The following CD180 variants were observed in gnomAD, a reference collection of about 807,000 sequenced individuals.
CD180 encodes CD180 antigen.
CD180 carries 11 observed loss-of-function variants against 10.7 expected under a neutral mutation model. The observed-to-expected ratio is 1.03, with a 90% CI of 0.65 to 1.70. The LOEUF is 1.70. Ranked by LOEUF, CD180 falls within the 40% of genes most tolerant of loss-of-function variation. CD180 has a pLI of 0.00. For synonymous variants in CD180, 286 were observed against 294.6 expected (o/e 0.97, Z 0.30); for missense variants, 729 against 775.2 (o/e 0.94, Z 0.71).
intron 1 of CD180, among the ~76,000 whole-genome samples, chr5:67,192,952 A>C (rs1319019083): frequency 1.3e-5 from 2 of 152,190 alleles, no homozygotes; most frequent in African/African-American, 2.4e-5. Flanking sequence ...TTTATCAACC[A>C]GTCAGGGTCC....
chr5:67,193,908 T>C (rs1270054556), intron 1 of CD180, among the ~76,000 whole-genome samples: 2 of 152,206 alleles, frequency 1.3e-5, no homozygotes, highest in Non-Finnish European at 2.9e-5. Flanking sequence ...AATGGTGATG[T>C]TATCCTATTG....
chr5:67,190,929 T>A (rs1041534451), intron 1 of CD180: 8 of 985,396 alleles, frequency 8.1e-6, no homozygotes, highest in Non-Finnish European at 9.6e-6. Flanking sequence ...AAGTGCTTAT[T>A]CTCACCTTTT....
At chr5:67,189,950 CATACTGTCT>C (rs1455504255) in intron 1 of CD180, among the ~76,000 whole-genome samples, 2 of 152,164 alleles carry the variant, frequency 1.3e-5, no homozygotes, top group Non-Finnish European at 2.9e-5. Context: ...AATTATCCAA[CATACTGTCT>C]ATATCCAAAT....
At chr5:67,184,666 T>G in intron 2 of CD180, 81 bp from the exon 3 acceptor site, 2 of 1,149,416 alleles carry the variant, frequency 1.7e-6, no homozygotes, top group Non-Finnish European at 2.4e-6. Flanking sequence ...ATTAACAAAG[T>G]CATCTTTTGT....
rs768355326 is a variant in CD180 at position 67,185,989 on chromosome 5, TCA to T, written c.117_118del (p.Cys39Ter). On this transcript the variant is annotated stop_gained and frameshift_variant, in exon 2 of 3. Transcript: ENST00000256447. LOFTEE classifies it high-confidence loss of function. ...AGGGATTTCACTGAGACCTAAATTTTCACAGTTATATGTTTTGTTGGCTTCTT... is the reference window on the plus strand; with the variant it reads ...AGGGATTTCACTGAGACCTAAATTTTCAGTTATATGTTTTGTTGGCTTCTT... The T allele has an allele frequency of 1.9e-6, 3 of 1,602,312 alleles. No homozygotes were observed. Among genetic ancestry groups the T allele is most frequent in the Non-Finnish European group, 1.7e-6 (2 of 1,174,844 alleles).
rs1742042089 is a variant in CD180, at chr5:67,181,190, A to G, written c.*1667T>C. ...GAGAAACTAATTAAAACAAATGAAG[A>G]AGTTAATTCCAAACACTGATAAGCA... On this transcript the variant is annotated 3_prime_UTR_variant, in exon 3 of 3. Coordinates refer to ENST00000256447, the MANE Select transcript of CD180 (RefSeq NM_005582.3). 1 of 152,124 alleles carries G rather than the reference A, an allele frequency of 6.6e-6. No individual in the cohort carries two copies. The highest frequency in any genetic ancestry group is 2.4e-5 in the African/African-American group (1 of 41,406). 9.4% of individuals were successfully genotyped at this position (152,124 alleles called of 1,614,324 possible).
intron 1 of CD180, among the ~76,000 whole-genome samples, chr5:67,188,068 G>T (rs1488838318): frequency 6.6e-6 from 1 of 152,066 alleles, no homozygotes; most frequent in African/African-American, 2.4e-5. Flanking sequence ...TATTCAGGAG[G>T]CTGAGGCAGG....
At chr5:67,188,191 G>C (rs1312955827) in intron 1 of CD180, among the ~76,000 whole-genome samples, 1 of 150,932 alleles carries the variant, frequency 6.6e-6, no homozygotes, top group Non-Finnish European at 1.5e-5. Flanking sequence ...AAAAGATTGG[G>C]GGTAAGTTAG....
At chr5:67,193,920 AGGCTGTCTCCT>A (rs1742353231) in intron 1 of CD180, among the ~76,000 whole-genome samples, 5 of 152,182 alleles carry the variant, frequency 3.3e-5, no homozygotes, top group Admixed American at 3.3e-4. Flanking sequence ...ATCCTATTGG[AGGCTGTCTCCT>A]GGAGGTGATA....
At chr5:67,194,530 C>G (rs1163596570) in intron 1 of CD180, among the ~76,000 whole-genome samples, 1 of 152,180 alleles carries the variant, frequency 6.6e-6, no homozygotes, top group Non-Finnish European at 1.5e-5. Flanking sequence ...TTGCCATTCC[C>G]GTGTACCCTG....
At chr5:67,190,094 GT>G (rs1364298461) in intron 1 of CD180, among the ~76,000 whole-genome samples, 1 of 152,054 alleles carries the variant, frequency 6.6e-6, no homozygotes, top group African/African-American at 2.4e-5. Flanking sequence ...CTCAGCCTTT[GT>G]CTTTCACAAC....
rs911724723 is a variant in CD180 at position 67,182,779 on chromosome 5, C to A, written c.*78G>T. 8.1e-7 allele frequency: 1 copy of A among 1,238,256 alleles called. No homozygotes were observed. The highest frequency in any genetic ancestry group is 1.1e-6 in the Non-Finnish European group (1 of 891,912). 76.7% of individuals were successfully genotyped at this position (1,238,256 alleles called of 1,614,324 possible). A position where few individuals can be genotyped will look rare whatever the true frequency, so the allele number is the denominator to read the frequency against. ...AGCAATCTGAAAAGTCTGGTCTGGT[C>A]ACCAGCAGATGACAGTTCTTTCACT... On this transcript the variant is annotated 3_prime_UTR_variant, in exon 3 of 3. Transcript: ENST00000256447.
At position 67,183,760 on chromosome 5, in the gene CD180, A is replaced by G. The variant is rs745829560; in HGVS notation, c.1083T>C (p.Leu361=). 1 of 1,614,192 alleles carries G rather than the reference A, an allele frequency of 6.2e-7. No homozygotes were observed. Among genetic ancestry groups the G allele is most frequent in the Admixed American group, 1.7e-5 (1 of 60,022 alleles). ...CTAGTTTCTCCAAGCAGCCAACACC[A>G]AGGTGAAGTTTCTTCACGTTGCCTC... is the stretch of plus-strand genomic sequence containing the variant. The part of the protein sequence containing the change: ...YIRGNVKKLH[L]GVGCLEKLGN... The change falls in exon 3 of 3, where the codon CTT becomes CTC. Residue 361 remains leucine, a synonymous_variant. Coordinates refer to ENST00000256447, the MANE Select transcript of CD180 (RefSeq NM_005582.3).
rs16875312 is a variant in CD180, at chr5:67,185,949, G to A, written c.159C>T (p.Asn53=). 1.2e-6 allele frequency: 2 copies of A among 1,611,270 alleles called. No individual in the cohort carries two copies. Among genetic ancestry groups the A allele is most frequent in the Non-Finnish European group, 1.7e-6 (2 of 1,178,632 alleles). The change falls in exon 2 of 3, where the codon AAC becomes AAT. Residue 53 remains asparagine, a synonymous_variant. Coordinates refer to ENST00000256447, the MANE Select transcript of CD180 (RefSeq NM_005582.3). ...AGCTGAATTCCAAAAATTCTGTTGTGTTTGGTAGAGTGTCAGGGATTTCAC... is the reference window on the plus strand; with the variant it reads ...AGCTGAATTCCAAAAATTCTGTTGTATTTGGTAGAGTGTCAGGGATTTCAC... ...GLSEIPDTLP[N]TTEFLEFSFN...
chr5:67,193,802 G>C (rs575875233), intron 1 of CD180, among the ~76,000 whole-genome samples: 1 of 152,326 alleles, frequency 6.6e-6, no homozygotes, highest in East Asian at 1.9e-4. Flanking sequence ...AAAGGACTAG[G>C]GGGCCTCCCG....
intron 1 of CD180, among the ~76,000 whole-genome samples, chr5:67,189,986 T>C (rs1252225790): frequency 6.6e-6 from 1 of 152,214 alleles, no homozygotes; most frequent in African/African-American, 2.4e-5. Context: ...AATTGTCCCA[T>C]TATTGTTCTT....
intron 2 of CD180, 78 bp downstream of exon 2, chr5:67,185,773 T>C (rs1742180502): frequency 8.9e-7 from 1 of 1,118,896 alleles, no homozygotes; most frequent in East Asian, 2.7e-5. Context: ...CCCAAAAAGG[T>C]CCTGCAAATA....
At position 67,181,087 on chromosome 5, in the gene CD180, C is replaced by CTATG. The variant is rs1359493104; in HGVS notation, c.*1766_*1769dup. Reference sequence around the variant, plus strand: ...TGGAGAGAGAGAGAGAGAGTCCTTACTATGTCCCAGGCATGTTCTAGGGTA... The same window carrying CTATG: ...TGGAGAGAGAGAGAGAGAGTCCTTACTATGTATGTCCCAGGCATGTTCTAGGGTA... On this transcript the variant is annotated 3_prime_UTR_variant, in exon 3 of 3. Transcript: ENST00000256447. 1 of 151,782 alleles carries CTATG rather than the reference C, an allele frequency of 6.6e-6. No homozygotes were observed. The highest frequency in any genetic ancestry group is 2.4e-5 in the African/African-American group (1 of 41,292). 9.4% of individuals were successfully genotyped at this position (151,782 alleles called of 1,614,324 possible). A position where few individuals can be genotyped will look rare whatever the true frequency, so the allele number is the denominator to read the frequency against.
Position 67,183,800 on chromosome 5 carries a change from G to GT in CD180, c.1042dup (p.Thr348AsnfsTer29). On this transcript the variant is annotated frameshift_variant, in exon 3 of 3. Coordinates refer to ENST00000256447, the MANE Select transcript of CD180 (RefSeq NM_005582.3). LOFTEE classifies it low-confidence loss of function (END_TRUNC). ...CACGTTGCCTCTGATGTAGAGGTGTGTAAGGGAGGGGAAATTGGCAGCACT... is the reference window on the plus strand; with the variant it reads ...CACGTTGCCTCTGATGTAGAGGTGTGTTAAGGGAGGGGAAATTGGCAGCACT... 1 of 1,614,102 alleles carries GT rather than the reference G, an allele frequency of 6.2e-7. No homozygotes were observed. Among genetic ancestry groups the GT allele is most frequent in the Non-Finnish European group, 8.5e-7 (1 of 1,179,928 alleles).
Sources: allele counts gnomAD v4.1 joint callset (sites outside exome capture counted in the v4.1 genomes callset), GRCh38; gene constraint gnomAD v4.1.1; transcripts MANE v1.5; gene names NCBI Gene and HGNC (gene_info 2026-07-23, HGNC 2026-07-21).